TSNARE1: variants seen among roughly 807,000 people sequenced by gnomAD.
TSNARE1 encodes t-SNARE domain containing 1.
In TSNARE1, 49 loss-of-function variants were observed where a neutral mutation model predicts 62.0. That is an observed-to-expected ratio of 0.79 (90% CI 0.63 to 1.00). The LOEUF is 1.00. Among genes scored for constraint, TSNARE1 ranks in the 50% least tolerant of loss-of-function variants. The pLI is 0.00. For missense variants in TSNARE1, 755 were observed against 700.1 expected, an observed-to-expected ratio of 1.08 and a Z score of -0.88; for synonymous variants, 328 against 294.4, an observed-to-expected ratio of 1.11 and a Z score of -1.17.
intron 4 of TSNARE1, among the ~76,000 whole-genome samples, chr8:142,341,773 T>C (rs34120696): frequency 0.2 from 30,470 of 152,074 alleles, 3,320 homozygotes; most frequent in East Asian, 0.36. Flanking sequence ...ACAGACTGTG[T>C]CTCTAACTTT....
intron 1 of TSNARE1, among the ~76,000 whole-genome samples, chr8:142,357,925 C>T (rs1255335352): frequency 8.5e-5 from 13 of 152,232 alleles, no homozygotes; most frequent in South Asian, 2.1e-4. Flanking sequence ...GAGGAGGGGG[C>T]GGCCAGCGGC....
chr8:142,318,231 C>T (rs937847198), intron 7 of TSNARE1, among the ~76,000 whole-genome samples: 1 of 152,164 alleles, frequency 6.6e-6, no homozygotes, highest in Admixed American at 6.5e-5. Flanking sequence ...AATGGCGGGC[C>T]ATCAGCTTCC....
chr8:142,273,621 C>T (rs528442745), intron 12 of TSNARE1: 1 of 985,394 alleles, frequency 1.0e-6, no homozygotes, highest in East Asian at 1.1e-4. Context: ...GTGACCTGAA[C>T]CTTCTGAGTC....
chr8:142,314,665 T>C (rs895073305), intron 8 of TSNARE1, among the ~76,000 whole-genome samples: 1 of 152,138 alleles, frequency 6.6e-6, no homozygotes, highest in Non-Finnish European at 1.5e-5. Flanking sequence ...GGGGCTGAGC[T>C]CTGCCAGCGA....
upstream of TSNARE1, chr8:142,405,805 C>G (rs1249642607): frequency 6.6e-6 from 1 of 152,416 alleles, no homozygotes. Flanking sequence ...TGTGCACCTC[C>G]TGCTCTGCTC....
At chr8:142,286,625 C>T (rs72687368) in intron 10 of TSNARE1, among the ~76,000 whole-genome samples, 28,710 of 152,128 alleles carry the variant, frequency 0.19, 3,234 homozygotes, top group South Asian at 0.29. Flanking sequence ...CTGGTCTCCT[C>T]GTCACCACCA....
chr8:142,346,221 A>C (rs1016317103), intron 2 of TSNARE1, among the ~76,000 whole-genome samples: 1 of 152,226 alleles, frequency 6.6e-6, no homozygotes, highest in African/African-American at 2.4e-5. Flanking sequence ...ACAAAGTACA[A>C]AATGGGAAGT....
At chr8:142,329,592 T>A (rs576067456) in intron 6 of TSNARE1, among the ~76,000 whole-genome samples, 1 of 152,240 alleles carries the variant, frequency 6.6e-6, no homozygotes, top group South Asian at 2.1e-4. Context: ...GTTATCTGCA[T>A]CAACAGGGCC....
intron 2 of TSNARE1, 69 bp from the exon 3 acceptor site, chr8:142,345,961 T>C (rs909412645): frequency 2.6e-6 from 4 of 1,550,702 alleles, no homozygotes; most frequent in Non-Finnish European, 2.6e-6. Context: ...CAGGCCCCCA[T>C]GCACGGACAG....
intron 6 of TSNARE1, among the ~76,000 whole-genome samples, chr8:142,328,713 G>A (rs1171395253): frequency 6.6e-6 from 1 of 152,000 alleles, no homozygotes; most frequent in Non-Finnish European, 1.5e-5. Context: ...GAAGGGAATA[G>A]AGCCCAGACA....
chr8:142,255,973 A>G (rs1233776582), intron 12 of TSNARE1, among the ~76,000 whole-genome samples: 1 of 44,726 alleles, frequency 2.2e-5, no homozygotes, highest in Non-Finnish European at 5.6e-5. Context: ...CACCATCACC[A>G]TCACCACCAC....
intron 12 of TSNARE1, among the ~76,000 whole-genome samples, chr8:142,238,771 G>A (rs919063433): frequency 2.3e-4 from 6 of 26,422 alleles, no homozygotes; most frequent in Admixed American, 1.4e-3. Context: ...CTGCACGCCC[G>A]CCCCTGCACA....
chr8:142,357,490 T>C (rs1378229092), intron 1 of TSNARE1, among the ~76,000 whole-genome samples: 1 of 152,008 alleles, frequency 6.6e-6, no homozygotes, highest in East Asian at 1.9e-4. Flanking sequence ...AGCAAGCTGC[T>C]GGGGGCACGT....
chr8:142,270,414 T>C (rs1237298876), intron 12 of TSNARE1: 1 of 985,060 alleles, frequency 1.0e-6, no homozygotes, highest in Non-Finnish European at 1.2e-6. Context: ...AAAAATACTT[T>C]TTGCAAGAAA....
In TSNARE1 at chr8:142,388,515, A is replaced by AG. The variant is rs200207355; in HGVS notation, c.-40+14588_-40+14589insC. ...AGATAATGAACTAAAAAAAAAAAAA[A>AG]AAGAAGAAATCAGTAAGTTAGCAAA... On this transcript the variant is annotated intron_variant, in intron 1 of 13. Coordinates refer to ENST00000524325, the MANE Select transcript of TSNARE1 (RefSeq NM_145003.5). 4.1e-3 allele frequency among the ~76,000 whole-genome samples: 621 copies of AG among 149,716 alleles called. 7 individuals carry two copies. The highest frequency in any genetic ancestry group is 0.014 in the African/African-American group (577 of 40,882).
At chr8:142,329,502 A>G (rs1481451485) in intron 6 of TSNARE1, among the ~76,000 whole-genome samples, 1 of 152,208 alleles carries the variant, frequency 6.6e-6, no homozygotes, top group East Asian at 1.9e-4. Flanking sequence ...ACTAAGATCT[A>G]AGCACAGCAG....
At chr8:142,245,513 A>G (rs564100958) in intron 12 of TSNARE1, among the ~76,000 whole-genome samples, 8 of 152,362 alleles carry the variant, frequency 5.3e-5, no homozygotes, top group Admixed American at 2.0e-4. Flanking sequence ...ATGCATAAGC[A>G]CATGGATGAG....
At chr8:142,285,315 G>A (rs1364649612) in intron 10 of TSNARE1, among the ~76,000 whole-genome samples, 1 of 151,122 alleles carries the variant, frequency 6.6e-6, no homozygotes, top group East Asian at 2.0e-4. Context: ...TGGATGGATG[G>A]GTAGGTGGAT....
chr8:142,278,588 G>A (rs1282569873), intron 11 of TSNARE1: 1 of 985,248 alleles, frequency 1.0e-6, no homozygotes, highest in African/African-American at 1.7e-5. Flanking sequence ...AGGAGGCACG[G>A]AGGCGGCAGG....
Sources: allele counts gnomAD v4.1 joint callset (sites outside exome capture counted in the v4.1 genomes callset), GRCh38; gene constraint gnomAD v4.1.1; transcripts MANE v1.5; gene names NCBI Gene and HGNC (gene_info 2026-07-23, HGNC 2026-07-21).